The following INTS4 variants were observed in gnomAD, a reference collection of about 807,000 sequenced individuals.
INTS4 encodes the protein MSTP093.
A neutral mutation model predicts 119.5 loss-of-function variants in INTS4; 70 were observed. The ratio of observed to expected loss-of-function variants is 0.59; its 90% CI spans 0.48 to 0.71. INTS4 has a LOEUF of 0.71. Ranked by LOEUF, INTS4 falls within the 30% of genes least tolerant of loss-of-function variation. The pLI is 0.00. For missense variants in INTS4, 867 were observed against 1,173.2 expected (o/e 0.74, Z 3.81); for synonymous variants, 316 against 419.6 (o/e 0.75, Z 3.02).
intron 1 of INTS4, among the ~76,000 whole-genome samples, chr11:77,991,767 C>A (rs189474608): frequency 2.0e-5 from 3 of 152,074 alleles, no homozygotes; most frequent in Non-Finnish European, 4.4e-5. Flanking sequence ...GGATCTACTC[C>A]ATTTTTTTGA....
At chr11:77,919,298 A>ATT (rs71046924) in intron 14 of INTS4, among the ~76,000 whole-genome samples, 130 of 149,590 alleles carry the variant, frequency 8.7e-4, no homozygotes, top group Non-Finnish European at 1.5e-3. Flanking sequence ...CTGTTGTTAC[A>ATT]TTTTTTTTTT....
intron 11 of INTS4, among the ~76,000 whole-genome samples, chr11:77,926,883 A>C (rs1953518757): frequency 6.6e-6 from 1 of 151,992 alleles, no homozygotes; most frequent in African/African-American, 2.4e-5. Context: ...AAGTCAAGAC[A>C]CCTTGAGGAG....
intron 15 of INTS4, 56 bp from the exon 16 acceptor site, chr11:77,907,866 T>C (rs1952997617): frequency 5.5e-6 from 6 of 1,099,166 alleles, no homozygotes; most frequent in Non-Finnish European, 8.2e-6. Flanking sequence ...GCCACCAACA[T>C]AAAGATCATG....
chr11:77,982,274 T>C (rs562974227), intron 2 of INTS4, among the ~76,000 whole-genome samples: 37 of 152,114 alleles, frequency 2.4e-4, no homozygotes, highest in African/African-American at 8.7e-4. Context: ...TAGCTGGGAC[T>C]ACAGATACAT....
intron 4 of INTS4, among the ~76,000 whole-genome samples, chr11:77,975,518 T>C (rs916566857): frequency 6.6e-6 from 1 of 152,066 alleles, no homozygotes; most frequent in African/African-American, 2.4e-5. Context: ...TTTAGGCACA[T>C]TGTATGATAG....
chr11:77,970,537 G>GTT (rs1246917816), intron 4 of INTS4, among the ~76,000 whole-genome samples: 1 of 151,456 alleles, frequency 6.6e-6, no homozygotes, highest in East Asian at 2.0e-4. Context: ...TTTGAAAGCA[G>GTT]CTGAGCGAAC....
At chr11:77,890,515 C>G (rs1401627811) in intron 21 of INTS4, among the ~76,000 whole-genome samples, 2 of 151,812 alleles carry the variant, frequency 1.3e-5, no homozygotes, top group Admixed American at 6.6e-5. Flanking sequence ...AAGGTTTAGC[C>G]CTGCATGTGG....
At chr11:77,930,308 A>G (rs1397687185) in intron 10 of INTS4, among the ~76,000 whole-genome samples, 1 of 152,238 alleles carries the variant, frequency 6.6e-6, no homozygotes, top group Non-Finnish European at 1.5e-5. Flanking sequence ...GAGTTACTAC[A>G]TTAAAGACAG....
At chr11:77,903,449 G>C in intron 17 of INTS4, 91 bp downstream of exon 17, 1 of 1,605,790 alleles carries the variant, frequency 6.2e-7, no homozygotes, top group Non-Finnish European at 8.5e-7. Context: ...GGCCTACACA[G>C]ACAGAGCTAT....
In INTS4 at chr11:77,903,000, C is replaced by A. The variant is rs189176279; in HGVS notation, c.2097+540G>T. Among the ~76,000 whole-genome samples the A allele has an allele frequency of 4.4e-3, 665 of 152,304 alleles. 3 individuals are homozygous for A. Among genetic ancestry groups the A allele is most frequent in the African/African-American group, 0.015 (625 of 41,566 alleles). On this transcript the variant is annotated intron_variant, in intron 17 of 22. Coordinates refer to ENST00000534064, the MANE Select transcript of INTS4 (RefSeq NM_033547.4). ...GGCCAGGCCGGTCTCAAACTCCTAA[C>A]CTTAAGTGATGTGCCCATCTCAGCC... is the stretch of plus-strand genomic sequence containing the variant.
At chr11:77,919,331 G>T (rs1953282813) in intron 14 of INTS4, among the ~76,000 whole-genome samples, 1 of 150,614 alleles carries the variant, frequency 6.6e-6, no homozygotes, top group Non-Finnish European at 1.5e-5. Flanking sequence ...CACTCTTGTT[G>T]CCCAGAGTGC....
chr11:77,966,705 T>C (rs957715131), intron 4 of INTS4, among the ~76,000 whole-genome samples: 16 of 152,184 alleles, frequency 1.1e-4, no homozygotes, highest in Middle Eastern at 3.2e-3. Context: ...ATTTTGAAAA[T>C]AGGGAATGTA....
chr11:77,988,864 A>G (rs925046018), intron 2 of INTS4, among the ~76,000 whole-genome samples: 4 of 152,224 alleles, frequency 2.6e-5, no homozygotes, highest in African/African-American at 9.6e-5. Context: ...TTCTTCATCA[A>G]ATCAATGTCA....
chr11:77,973,524 A>C (rs1855815193), intron 4 of INTS4, among the ~76,000 whole-genome samples: 1 of 152,118 alleles, frequency 6.6e-6, no homozygotes, highest in Admixed American at 6.5e-5. Context: ...AATCTGTCAA[A>C]ATTAAGTATG....
At chr11:77,883,075 A>AAATAATAATAATAATAAT (rs10687244) in intron 22 of INTS4, among the ~76,000 whole-genome samples, 163 of 148,324 alleles carry the variant, frequency 1.1e-3, no homozygotes, top group African/African-American at 4.0e-3. Context: ...CTCCGTCTCA[A>AAATAATAATAATAATAAT]AATAATAATA....
intron 15 of INTS4, among the ~76,000 whole-genome samples, chr11:77,912,323 C>T (rs1012236597): frequency 6.6e-6 from 1 of 151,168 alleles, no homozygotes; most frequent in African/African-American, 2.4e-5. Context: ...GATTGCACCA[C>T]TGCACTCCAG....
At chr11:77,979,720 C>G (rs1384085367) in intron 3 of INTS4, among the ~76,000 whole-genome samples, 1 of 150,426 alleles carries the variant, frequency 6.6e-6, no homozygotes, top group Non-Finnish European at 1.5e-5. Flanking sequence ...TGGCTTATGC[C>G]TGTAATCCCA....
chr11:77,993,101 C>T (rs183191471), intron 1 of INTS4, among the ~76,000 whole-genome samples: 2 of 152,292 alleles, frequency 1.3e-5, no homozygotes, highest in Non-Finnish European at 2.9e-5. Context: ...CAAGCAATAT[C>T]AACTGTCATT....
At chr11:77,918,241 G>A (rs1173310516) in intron 15 of INTS4, 1 of 642,270 alleles carries the variant, frequency 1.6e-6, no homozygotes, top group African/African-American at 1.8e-5. Flanking sequence ...AGACCAGCCT[G>A]GCCACCATGG....
Sources: gnomAD v4.1 joint callset for allele counts (sites outside exome capture counted in the v4.1 genomes callset) on GRCh38, gnomAD v4.1.1 for gene constraint, MANE v1.5 for transcripts, NCBI Gene and HGNC (gene_info 2026-07-23, HGNC 2026-07-21) for gene names.